The following EDA variants were observed in gnomAD, a reference collection of about 807,000 sequenced individuals.
The protein encoded by EDA is ectodysplasin A, also known as ectodysplasin-A.
EDA carries 2 observed loss-of-function variants against 23.6 expected under a neutral mutation model. The observed-to-expected ratio is 0.08, with a 90% CI of 0.03 to 0.27. EDA has a LOEUF of 0.27. EDA is among the 10% of genes least tolerant of loss of function. EDA has a pLI of 1.00. For synonymous variants in EDA, 131 were observed against 132.0 expected (o/e 0.99, Z 0.05); for missense variants, 229 against 324.2 (o/e 0.71, Z 2.26).
chrX:69,961,890 T>A (rs1453638744), intron 2 of EDA, among the ~76,000 whole-genome samples: 1 of 112,174 alleles, frequency 8.9e-6, no homozygotes, highest in Non-Finnish European at 1.9e-5. Context: ...TTTCTTGCTG[T>A]GTCTTATCTT....
chrX:69,646,916 G>C (rs1932938669), intron 1 of EDA, among the ~76,000 whole-genome samples: 1 of 111,426 alleles, frequency 9.0e-6, no homozygotes, highest in Admixed American at 9.5e-5. Context: ...GCTTTTTCTT[G>C]TCTGAAGAGG....
intron 1 of EDA, among the ~76,000 whole-genome samples, chrX:69,897,229 C>G (rs765388809): frequency 2.7e-4 from 30 of 111,285 alleles, no homozygotes; most frequent in Non-Finnish European, 5.5e-4. Context: ...CTCCCTCCCC[C>G]ACCAAAACAA....
chrX:69,693,354 G>T (rs1018141544), intron 1 of EDA, among the ~76,000 whole-genome samples: 1 of 111,403 alleles, frequency 9.0e-6, no homozygotes, highest in African/African-American at 3.3e-5. Context: ...TCCAGAGAAT[G>T]GTTTAGGTGA....
intron 2 of EDA, among the ~76,000 whole-genome samples, chrX:69,967,833 T>C (rs1337391345): frequency 8.9e-6 from 1 of 112,104 alleles, no homozygotes; most frequent in Admixed American, 9.5e-5. Flanking sequence ...ACTTACATCT[T>C]ACCAATTCAA....
intron 1 of EDA, among the ~76,000 whole-genome samples, chrX:69,645,191 G>A: frequency 9.1e-6 from 1 of 110,187 alleles, no homozygotes; most frequent in Non-Finnish European, 1.9e-5. Flanking sequence ...ACTCTTCTTT[G>A]TACCTCTGGT....
intron 1 of EDA, among the ~76,000 whole-genome samples, chrX:69,648,859 C>T (rs1339528341): frequency 9.0e-6 from 1 of 111,582 alleles, no homozygotes; most frequent in African/African-American, 3.3e-5. Flanking sequence ...CCACACAGCT[C>T]TGTGTATTGG....
intron 1 of EDA, among the ~76,000 whole-genome samples, chrX:69,684,468 G>A (rs1265184230): frequency 8.9e-6 from 1 of 111,920 alleles, no homozygotes; most frequent in Non-Finnish European, 1.9e-5. Context: ...TGTTCTATTT[G>A]TGAAGATAAG....
At chrX:69,956,040 C>A (rs2018995417) in intron 1 of EDA, among the ~76,000 whole-genome samples, 1 of 111,737 alleles carries the variant, frequency 8.9e-6, no homozygotes, top group South Asian at 3.8e-4. Flanking sequence ...CAGTAGAGGA[C>A]CAGGTACCAA....
At chrX:69,802,612 A>C (rs1357668169) in intron 1 of EDA, among the ~76,000 whole-genome samples, 1 of 110,872 alleles carries the variant, frequency 9.0e-6, no homozygotes, top group Non-Finnish European at 1.9e-5. Context: ...TTAGAGTCAG[A>C]AGGAGACTCT....
At chrX:69,711,934 C>CA (rs1277366978) in intron 1 of EDA, among the ~76,000 whole-genome samples, 1 of 110,862 alleles carries the variant, frequency 9.0e-6, no homozygotes, top group Non-Finnish European at 1.9e-5. Context: ...TTGATCTTTT[C>CA]AAAAAACCAG....
chrX:69,733,929 T>TA (rs397968796), intron 1 of EDA, among the ~76,000 whole-genome samples: 26 of 110,276 alleles, frequency 2.4e-4, no homozygotes, highest in South Asian at 7.6e-4. Flanking sequence ...CTTTTTTTTT[T>TA]ATCAAGGTAA....
intron 1 of EDA, among the ~76,000 whole-genome samples, chrX:69,933,766 C>T (rs778359238): frequency 2.7e-5 from 3 of 111,730 alleles, no homozygotes; most frequent in Admixed American, 9.5e-5. Flanking sequence ...TCCATTCAGA[C>T]GAAGTGTTCC....
At chrX:70,030,025 A>C (rs1476983055) in intron 5 of EDA, among the ~76,000 whole-genome samples, 2 of 112,157 alleles carry the variant, frequency 1.8e-5, no homozygotes, top group East Asian at 5.7e-4. Context: ...GAGCTTCCTA[A>C]TCTGTCTCTA....
intron 1 of EDA, among the ~76,000 whole-genome samples, chrX:69,825,690 C>G (rs1329944782): frequency 1.8e-5 from 2 of 112,881 alleles, no homozygotes; most frequent in Non-Finnish European, 3.8e-5. Flanking sequence ...TTTTGTGTCT[C>G]TATTTCCTTC....
At chrX:69,856,254 G>GGT (rs202079519) in intron 1 of EDA, among the ~76,000 whole-genome samples, 33,412 of 74,562 alleles carry the variant, frequency 0.45, 6,888 homozygotes, top group Middle Eastern at 0.55. Flanking sequence ...AGTATTCCAT[G>GGT]GTGTGTGTGT....
At chrX:69,720,709 TCC>T (rs1466593950) in intron 1 of EDA, among the ~76,000 whole-genome samples, 4 of 112,585 alleles carry the variant, frequency 3.6e-5, no homozygotes. Flanking sequence ...TCCATTTGGT[TCC>T]TTTTTTAATA....
intron 1 of EDA, among the ~76,000 whole-genome samples, chrX:69,657,496 A>G (rs1481483720): frequency 9.0e-6 from 1 of 111,546 alleles, no homozygotes; most frequent in Non-Finnish European, 1.9e-5. Flanking sequence ...TCATGTGTCT[A>G]TTTTTCATTT....
intron 1 of EDA, among the ~76,000 whole-genome samples, chrX:69,777,454 C>T (rs949383103): frequency 1.8e-5 from 2 of 111,149 alleles, no homozygotes; most frequent in Admixed American, 9.6e-5. Flanking sequence ...AAGTTACCAC[C>T]GTGGATTTAG....
intron 1 of EDA, among the ~76,000 whole-genome samples, chrX:69,719,124 G>T (rs2012467064): frequency 9.0e-6 from 1 of 110,711 alleles, no homozygotes; most frequent in East Asian, 2.8e-4. Context: ...TTTAATGGTT[G>T]TAGGATCTAG....
Sources: allele counts gnomAD v4.1 joint callset (sites outside exome capture counted in the v4.1 genomes callset), GRCh38; gene constraint gnomAD v4.1.1; transcripts MANE v1.5; gene names NCBI Gene and HGNC (gene_info 2026-07-23, HGNC 2026-07-21).